The following CHN2 variants were observed in gnomAD, a reference collection of about 807,000 sequenced individuals.
The protein encoded by CHN2 is beta-chimaerin.
CHN2 carries 35 observed loss-of-function variants against 56.3 expected under a neutral mutation model. The ratio of observed to expected loss-of-function variants is 0.62; its 90% CI spans 0.47 to 0.82. The LOEUF (loss-of-function observed/expected upper bound fraction) is 0.82. Among genes scored for constraint, CHN2 ranks in the 40% least tolerant of loss-of-function variants. CHN2 has a pLI of 0.00. For synonymous variants in CHN2, 210 were observed against 212.8 expected (o/e 0.99, Z 0.12); for missense variants, 491 against 580.5 (o/e 0.85, Z 1.58).
chr7:29,152,043 G>T (rs1793666562), intron 2 of CHN2, among the ~76,000 whole-genome samples: 1 of 152,150 alleles, frequency 6.6e-6, no homozygotes, highest in Non-Finnish European at 1.5e-5. Context: ...TAGTGCAGGT[G>T]CTCTGCTTAC....
chr7:29,293,690 G>C (rs996785984), intron 1 of CHN2, among the ~76,000 whole-genome samples: 2 of 151,960 alleles, frequency 1.3e-5, no homozygotes, highest in South Asian at 4.1e-4. Flanking sequence ...ATGGCTCTCC[G>C]TCCCTCTGTC....
At chr7:29,275,670 C>G (rs925011120) in intron 1 of CHN2, among the ~76,000 whole-genome samples, 6 of 152,074 alleles carry the variant, frequency 3.9e-5, no homozygotes, top group Admixed American at 6.5e-5. Context: ...GAAGGAGGTA[C>G]TATTATTATT....
intron 1 of CHN2, among the ~76,000 whole-genome samples, chr7:29,317,065 T>C (rs1291144077): frequency 1.3e-5 from 2 of 152,342 alleles, no homozygotes; most frequent in East Asian, 3.9e-4. Flanking sequence ...AAGTAACACA[T>C]CTTGGTAAGG....
At chr7:29,393,264 A>G (rs1801495550) in intron 3 of CHN2, among the ~76,000 whole-genome samples, 1 of 152,252 alleles carries the variant, frequency 6.6e-6, no homozygotes, top group African/African-American at 2.4e-5. Context: ...TAATCCAGGT[A>G]GACTTCTTGT....
intron 1 of CHN2, chr7:29,199,635 T>G (rs2128767164): frequency 6.6e-6 from 1 of 152,334 alleles, no homozygotes; most frequent in South Asian, 2.1e-4. Context: ...TCCTTGTTGT[T>G]TTTCTCCTGA....
At chr7:29,409,947 C>G (rs759582989) in intron 6 of CHN2, among the ~76,000 whole-genome samples, 18 of 152,160 alleles carry the variant, frequency 1.2e-4, no homozygotes, top group African/African-American at 2.4e-5. Context: ...CTGCTGTACA[C>G]CTATGGGGAC....
intron 12 of CHN2, among the ~76,000 whole-genome samples, chr7:29,511,795 C>G (rs1362913242): frequency 2.0e-5 from 3 of 151,882 alleles, no homozygotes; most frequent in Middle Eastern, 3.4e-3. Context: ...TATGAACATT[C>G]TAAAACTTAA....
chr7:29,374,392 T>C (rs908873555), intron 3 of CHN2, among the ~76,000 whole-genome samples: 83 of 151,382 alleles, frequency 5.5e-4, no homozygotes, highest in Non-Finnish European at 1.9e-4. Context: ...TGTTTTCTGC[T>C]TTTTTTTTAA....
chr7:29,261,375 G>C (rs1305102737), intron 1 of CHN2, among the ~76,000 whole-genome samples: 2 of 152,138 alleles, frequency 1.3e-5, no homozygotes, highest in Admixed American at 1.3e-4. Flanking sequence ...AACCCATTGA[G>C]AGCAGTTGGC....
intron 1 of CHN2, among the ~76,000 whole-genome samples, chr7:29,342,768 A>T (rs1167124514): frequency 6.6e-6 from 1 of 152,228 alleles, no homozygotes; most frequent in Non-Finnish European, 1.5e-5. Flanking sequence ...TTTAGGTCTG[A>T]TCTTGCCCTT....
At chr7:29,190,008 G>T (rs561579165), upstream of CHN2, among the ~76,000 whole-genome samples, 34 of 152,364 alleles carry the variant, frequency 2.2e-4, no homozygotes, top group Admixed American at 6.5e-4. Flanking sequence ...GCCGCTACCT[G>T]CGGCGTCTGA....
chr7:29,483,742 C>A, intron 7 of CHN2: 1 of 897,996 alleles, frequency 1.1e-6, no homozygotes, highest in Non-Finnish European at 1.4e-6. Context: ...TATGGCTGAG[C>A]TCTGAAAATC....
chr7:29,220,459 GA>G (rs1349061805), intron 1 of CHN2, among the ~76,000 whole-genome samples: 1 of 151,696 alleles, frequency 6.6e-6, no homozygotes, highest in Non-Finnish European at 1.5e-5. Flanking sequence ...ATGAATTTCA[GA>G]AAAAAACAAG....
intron 2 of CHN2, among the ~76,000 whole-genome samples, chr7:29,164,648 G>T (rs1223622500): frequency 6.6e-6 from 1 of 151,780 alleles, no homozygotes; most frequent in East Asian, 1.9e-4. Context: ...ACGCGTGGTG[G>T]CATATGCCTG....
chr7:29,323,303 A>T (rs1261571156), intron 1 of CHN2, among the ~76,000 whole-genome samples: 1 of 152,156 alleles, frequency 6.6e-6, no homozygotes, highest in Non-Finnish European at 1.5e-5. Context: ...GACATTGCTC[A>T]CTCAACTTTC....
Position 29,220,092 on chromosome 7 carries a change from T to TA in CHN2, c.49+25111dup, listed in dbSNP as rs565400322. 7.7e-3 allele frequency among the ~76,000 whole-genome samples: 1,145 copies of TA among 149,302 alleles called. 16 individuals are homozygous for TA. Among genetic ancestry groups the TA allele is most frequent in the African/African-American group, 0.026 (1,050 of 40,668 alleles). ...TCTGTCTCAAAAAAATAAAAAAATT[T>TA]AAAAAAAAAGGAAAAGTTGAAAATA... On this transcript the variant is annotated intron_variant, in intron 1 of 12. Transcript: ENST00000222792.
At chr7:29,398,018 T>C (rs76966856) in intron 4 of CHN2, 5,511 of 174,306 alleles carry the variant, frequency 0.032, 116 homozygotes, top group Non-Finnish European at 0.04. Context: ...GAGAGCTAAA[T>C]TGGTAATTGC....
intron 2 of CHN2, among the ~76,000 whole-genome samples, chr7:29,358,279 C>G (rs1585151522): frequency 6.6e-6 from 1 of 152,002 alleles, no homozygotes; most frequent in African/African-American, 2.4e-5. Flanking sequence ...GCCTTGTAGT[C>G]CTAGCTACTC....
In CHN2 at chr7:29,486,169, C is replaced by T. The variant is rs143846726; in HGVS notation, c.654+5813C>T. On this transcript the variant is annotated intron_variant, in intron 7 of 12. Coordinates refer to ENST00000222792, the MANE Select transcript of CHN2 (RefSeq NM_004067.4). ...TGGGAGGGGGTGGGGAGAGAGGGTT[C>T]GTGGAGTGGGGATTTTTGTCTGTTT... Among the ~76,000 whole-genome samples, 6 of 152,224 alleles carry T rather than the reference C, an allele frequency of 3.9e-5. No homozygotes were observed. The East Asian group carries it at 1.2e-3, about 29-fold the overall frequency.
Sources: gnomAD v4.1 joint callset for allele counts (sites outside exome capture counted in the v4.1 genomes callset) on GRCh38, gnomAD v4.1.1 for gene constraint, MANE v1.5 for transcripts, NCBI Gene and HGNC (gene_info 2026-07-23, HGNC 2026-07-21) for gene names.